The following SEMA3D variants were observed in gnomAD, a reference collection of about 807,000 sequenced individuals.
SEMA3D encodes the protein semaphorin-3D.
In SEMA3D, 84 loss-of-function variants were observed where a neutral mutation model predicts 100.1. The ratio of observed to expected loss-of-function variants is 0.84; its 90% confidence interval spans 0.70 to 1.01. The LOEUF is 1.01. Ranked by LOEUF, SEMA3D falls within the 50% of genes least tolerant of loss-of-function variation. The pLI, the probability that SEMA3D is intolerant of heterozygous loss-of-function variation, is 0.00. For missense variants in SEMA3D, 875 were observed against 934.1 expected, an observed-to-expected ratio of 0.94 and a Z score of 0.82; for synonymous variants, 312 against 320.7, an observed-to-expected ratio of 0.97 and a Z score of 0.29.
chr7:85,067,307 G>T (rs192976808), intron 7 of SEMA3D, among the ~76,000 whole-genome samples: 18 of 151,892 alleles, frequency 1.2e-4, no homozygotes, highest in Admixed American at 9.8e-4. Context: ...TTTTATTAAG[G>T]GTATGCCAAC....
chr7:85,036,673 T>A (rs1186301371), intron 12 of SEMA3D, among the ~76,000 whole-genome samples: 1 of 152,108 alleles, frequency 6.6e-6, no homozygotes, highest in African/African-American at 2.4e-5. Context: ...GTCCCCGTGG[T>A]TAGATACTTA....
chr7:85,181,319 A>AACACACAC (rs3076567), intron 1 of SEMA3D, among the ~76,000 whole-genome samples: 93 of 93,678 alleles, frequency 9.9e-4, no homozygotes, highest in African/African-American at 2.1e-3. Context: ...ACATGCTCAC[A>AACACACAC]ACACACACAC....
In SEMA3D at chr7:85,144,737, T is replaced by C. The variant is rs942178101; in HGVS notation, c.-41+8871A>G. On this transcript the variant is annotated intron_variant, in intron 2 of 18. Transcript: ENST00000284136. ...TCTTCCCCTTGCCTCTAGTATGATA[T>C]GTCTGAATGGTGTAAAGCAAATAAT... is the stretch of plus-strand genomic sequence containing the variant. The C allele has an allele frequency of 6.2e-5, 54 of 876,618 alleles. No individual in the cohort carries two copies. The African/African-American group carries it at 8.9e-4, about 14-fold the overall frequency. The allele number at this position is 876,618 out of a possible 1,614,324, so 54.3% of individuals were successfully genotyped here.
At chr7:85,131,769 A>T (rs938954962) in intron 2 of SEMA3D, among the ~76,000 whole-genome samples, 4 of 151,788 alleles carry the variant, frequency 2.6e-5, no homozygotes, top group Non-Finnish European at 5.9e-5. Context: ...GTGGTAATTT[A>T]AAAAAAATTT....
chr7:85,241,645 T>TA, the SEMA3D span, among the ~76,000 whole-genome samples: 1 of 150,764 alleles, frequency 6.6e-6, no homozygotes, highest in African/African-American at 2.4e-5. Context: ...ATGAGGATGA[T>TA]ACGATGGACT....
intron 9 of SEMA3D, among the ~76,000 whole-genome samples, chr7:85,054,023 A>G (rs1791240639): frequency 6.6e-6 from 1 of 151,942 alleles, no homozygotes; most frequent in Admixed American, 6.6e-5. Context: ...TATAAATAAA[A>G]TATTACATGG....
chr7:85,155,959 C>T (rs1231705921), intron 1 of SEMA3D, among the ~76,000 whole-genome samples: 1 of 151,938 alleles, frequency 6.6e-6, no homozygotes, highest in African/African-American at 2.4e-5. Flanking sequence ...TGTGCACTGG[C>T]CTATCCAATT....
At chr7:85,183,513 C>A (rs944603983) in intron 1 of SEMA3D, among the ~76,000 whole-genome samples, 4 of 152,166 alleles carry the variant, frequency 2.6e-5, no homozygotes, top group South Asian at 2.1e-4. Flanking sequence ...ATATTCCTGA[C>A]CTTCCCTGCC....
chr7:85,216,357 T>TTGTGTGTG, the SEMA3D span, among the ~76,000 whole-genome samples: 167 of 146,260 alleles, frequency 1.1e-3, no homozygotes, highest in African/African-American at 3.6e-3. Flanking sequence ...AATAAGAGTG[T>TTGTGTGTG]TGTGTGTGTG....
chr7:85,208,850 C>A, the SEMA3D span, among the ~76,000 whole-genome samples: 9 of 152,018 alleles, frequency 5.9e-5, no homozygotes, highest in East Asian at 9.6e-4. Flanking sequence ...AGAAAATACA[C>A]GCAATACTAC....
intron 2 of SEMA3D, among the ~76,000 whole-genome samples, chr7:85,150,004 C>T (rs1380561065): frequency 6.6e-6 from 1 of 151,834 alleles, no homozygotes; most frequent in Non-Finnish European, 1.5e-5. Flanking sequence ...GCAAGTATCC[C>T]CAAAAGTCCT....
intron 5 of SEMA3D, among the ~76,000 whole-genome samples, chr7:85,078,176 G>A (rs1442491700): frequency 1.3e-5 from 2 of 152,116 alleles, no homozygotes; most frequent in Non-Finnish European, 2.9e-5. Flanking sequence ...GTTCATGGGG[G>A]AGAGGTATTT....
the SEMA3D span, among the ~76,000 whole-genome samples, chr7:85,246,012 T>C: frequency 1.1e-4 from 16 of 152,192 alleles, no homozygotes; most frequent in African/African-American, 3.6e-4. Context: ...GTAGAACATA[T>C]GGATAAAAAC....
intron 8 of SEMA3D, among the ~76,000 whole-genome samples, chr7:85,057,047 G>A (rs1221529797): frequency 6.6e-6 from 1 of 151,666 alleles, no homozygotes. Context: ...ATAGAAAATT[G>A]AGTACATCCA....
chr7:85,059,048 T>C (rs1291860004), intron 8 of SEMA3D, among the ~76,000 whole-genome samples: 1 of 151,966 alleles, frequency 6.6e-6, no homozygotes, highest in Admixed American at 6.6e-5. Flanking sequence ...ATTACAACAA[T>C]GAACAGAGAA....
the SEMA3D span, among the ~76,000 whole-genome samples, chr7:85,246,168 T>A: frequency 6.6e-6 from 1 of 152,128 alleles, no homozygotes; most frequent in Non-Finnish European, 1.5e-5. Flanking sequence ...TAAAACTTTA[T>A]GTAAGAGCCT....
At chr7:85,037,088 T>G in intron 11 of SEMA3D, 55 bp from the exon 12 acceptor site, 1 of 1,564,760 alleles carries the variant, frequency 6.4e-7, no homozygotes, top group Non-Finnish European at 8.7e-7. Flanking sequence ...CAATAAACAT[T>G]GACTGAGCAC....
At chr7:85,023,170 G>A (rs1790302106) in intron 12 of SEMA3D, among the ~76,000 whole-genome samples, 1 of 151,856 alleles carries the variant, frequency 6.6e-6, no homozygotes, top group African/African-American at 2.4e-5. Context: ...TTCTCCTAAA[G>A]AGTCTGCAAA....
At chr7:85,090,855 TTAAA>T (rs1758864256) in intron 4 of SEMA3D, among the ~76,000 whole-genome samples, 1 of 152,150 alleles carries the variant, frequency 6.6e-6, no homozygotes, top group African/African-American at 2.4e-5. Flanking sequence ...AGAAGGGTGT[TTAAA>T]TATTCCACTG....
Sources: allele counts gnomAD v4.1 joint callset (sites outside exome capture counted in the v4.1 genomes callset), GRCh38; gene constraint gnomAD v4.1.1; transcripts MANE v1.5; gene names NCBI Gene and HGNC (gene_info 2026-07-23, HGNC 2026-07-21).